The following SELENOI variants were observed in gnomAD, a reference collection of about 807,000 sequenced individuals.
The protein encoded by SELENOI is ethanolaminephosphotransferase 1.
In SELENOI, 24 loss-of-function variants were observed where a neutral mutation model predicts 50.7. The observed-to-expected ratio is 0.47, with a 90% CI of 0.34 to 0.67. The LOEUF is 0.67. Ranked by LOEUF, SELENOI falls within the 30% of genes least tolerant of loss-of-function variation. SELENOI has a pLI of 0.01. For missense variants in SELENOI, 352 were observed against 461.4 expected (o/e 0.76, Z 2.17); for synonymous variants, 155 against 170.2 (o/e 0.91, Z 0.70).
chr2:26,393,010 G>T lies in SELENOI; in HGVS notation c.*3907G>T, dbSNP rs1208966306. Reference sequence around the variant, plus strand: ...AAGTGACAGTTTTAAAAGTAAAATGGTGTTAAATCTCTGAAACTTGAACGT... The same window carrying T: ...AAGTGACAGTTTTAAAAGTAAAATGTTGTTAAATCTCTGAAACTTGAACGT... On this transcript the variant is annotated 3_prime_UTR_variant, in exon 10 of 10. Coordinates refer to ENST00000260585, the MANE Select transcript of SELENOI (RefSeq NM_033505.4). 1 of 152,620 alleles carries T rather than the reference G, an allele frequency of 6.6e-6. No homozygotes were observed. The highest frequency in any genetic ancestry group is 2.4e-5 in the African/African-American group (1 of 41,458). The allele number at this position is 152,620 out of a possible 1,614,324, so 9.5% of individuals were successfully genotyped here.
At chr2:26,354,160 A>T (rs1023410382) in intron 1 of SELENOI, among the ~76,000 whole-genome samples, 2 of 152,112 alleles carry the variant, frequency 1.3e-5, no homozygotes, top group African/African-American at 2.4e-5. Context: ...ATCTCATTTA[A>T]TATTCACAAC....
At chr2:26,366,357 G>C (rs1251639209) in intron 3 of SELENOI, among the ~76,000 whole-genome samples, 1 of 151,810 alleles carries the variant, frequency 6.6e-6, no homozygotes, top group Non-Finnish European at 1.5e-5. Context: ...TAATCCTCAG[G>C]ACACCCTAAA....
At chr2:26,378,306 A>C (rs1677611014) in intron 6 of SELENOI, among the ~76,000 whole-genome samples, 1 of 152,138 alleles carries the variant, frequency 6.6e-6, no homozygotes, top group Non-Finnish European at 1.5e-5. Context: ...TTGGGAACAC[A>C]CTTAGTAAGA....
rs1400095554 is a variant in SELENOI at position 26,347,359 on chromosome 2, T to C, written c.57+1070T>C. 3.3e-5 allele frequency among the ~76,000 whole-genome samples: 5 copies of C among 152,074 alleles called. No homozygotes were observed. In the East Asian group the frequency reaches 9.7e-4, roughly 29 times the overall value. ...TGGCTTAAGCACAGTGCTATGTGCATACTAGGCACCCAGTAAGCATTTGTG... is the reference window on the plus strand; with the variant it reads ...TGGCTTAAGCACAGTGCTATGTGCACACTAGGCACCCAGTAAGCATTTGTG... On this transcript the variant is annotated intron_variant, in intron 1 of 9. Coordinates refer to ENST00000260585, the MANE Select transcript of SELENOI (RefSeq NM_033505.4).
At chr2:26,370,939 C>G (rs1283295887) in intron 4 of SELENOI, among the ~76,000 whole-genome samples, 1 of 100,104 alleles carries the variant, frequency 1.0e-5, no homozygotes, top group Admixed American at 9.9e-5. Flanking sequence ...CTGACCCCCC[C>G]ACCTCCCTCC....
chr2:26,347,937 T>C (rs141919420), intron 1 of SELENOI, among the ~76,000 whole-genome samples: 8 of 152,322 alleles, frequency 5.3e-5, no homozygotes, highest in African/African-American at 1.9e-4. Flanking sequence ...TGACTTCCTA[T>C]CATCCTGGAA....
Position 26,390,512 on chromosome 2 carries a change from T to G in SELENOI, c.*1409T>G, listed in dbSNP as rs1677940592. The G allele has an allele frequency of 6.6e-6, 1 of 152,660 alleles. No homozygotes were observed. The highest frequency in any genetic ancestry group is 1.5e-5 in the Non-Finnish European group (1 of 68,030). 9.5% of individuals were successfully genotyped at this position (152,660 alleles called of 1,614,324 possible). ...TGACCATTGTTAAATTTAATTATAG[T>G]GTATTTCTTTCTTGAATTTCAGTCT... On this transcript the variant is annotated 3_prime_UTR_variant, in exon 10 of 10. Coordinates refer to ENST00000260585, the MANE Select transcript of SELENOI (RefSeq NM_033505.4).
chr2:26,363,263 G>C (rs1208522047), intron 1 of SELENOI, among the ~76,000 whole-genome samples: 1 of 152,126 alleles, frequency 6.6e-6, no homozygotes, highest in Non-Finnish European at 1.5e-5. Flanking sequence ...AATCCCTTGA[G>C]GTAAGGACTA....
chr2:26,365,716 T>C (rs1343628269), intron 3 of SELENOI, among the ~76,000 whole-genome samples: 3 of 152,178 alleles, frequency 2.0e-5, no homozygotes, highest in Non-Finnish European at 4.4e-5. Flanking sequence ...AGCAGACTTT[T>C]CTGGACTGAC....
intron 6 of SELENOI, among the ~76,000 whole-genome samples, chr2:26,376,741 T>C (rs1265315878): frequency 3.3e-5 from 5 of 152,240 alleles, no homozygotes; most frequent in Non-Finnish European, 4.4e-5. Context: ...CTTTAGGTTT[T>C]TTTATAGTGC....
intron 8 of SELENOI, 103 bp downstream of exon 8, chr2:26,385,242 T>TA: frequency 1.5e-6 from 1 of 688,846 alleles, no homozygotes; most frequent in Non-Finnish European, 2.1e-6. Context: ...GATTTTAACT[T>TA]AAAGATTTTT....
At chr2:26,349,510 T>G (rs1676906136) in intron 1 of SELENOI, among the ~76,000 whole-genome samples, 1 of 152,010 alleles carries the variant, frequency 6.6e-6, no homozygotes, top group Non-Finnish European at 1.5e-5. Context: ...TTTCACATGT[T>G]GGCCAGGCTG....
At chr2:26,372,202 T>C (rs1677472106) in intron 4 of SELENOI, among the ~76,000 whole-genome samples, 1 of 152,194 alleles carries the variant, frequency 6.6e-6, no homozygotes, top group Non-Finnish European at 1.5e-5. Context: ...AACCTCCGCC[T>C]CCTGGGTTCA....
In SELENOI at chr2:26,393,496, C is replaced by G. The variant is rs28581437; in HGVS notation, c.*4393C>G. 6.6e-6 allele frequency: 1 copy of G among 152,172 alleles called. No individual in the cohort carries two copies. The highest frequency in any genetic ancestry group is 1.5e-5 in the Non-Finnish European group (1 of 68,030). The allele number at this position is 152,172 out of a possible 1,614,324, so 9.4% of individuals were successfully genotyped here. A position where few individuals can be genotyped will look rare whatever the true frequency, so the allele number is the denominator to read the frequency against. ...GTAGCTCTCTCACAGGTAGCTTAAG[C>G]GAGGGGGTTGTGTTGCATGTGCTTA... On this transcript the variant is annotated 3_prime_UTR_variant, in exon 10 of 10. Transcript: ENST00000260585.
At position 26,383,873 on chromosome 2, in the gene SELENOI, C is replaced by CA. The variant is rs971432334; in HGVS notation, c.731+538dup. The stretch of plus-strand genomic sequence containing the variant: ...TTGGCAACAGAGCGAGACTCTGTCT[C>CA]AAAAAAAAAAAATTTTAGCAAGATC... On this transcript the variant is annotated intron_variant, in intron 7 of 9. Transcript: ENST00000260585. Among the ~76,000 whole-genome samples the CA allele has an allele frequency of 1.1e-3, 157 of 144,938 alleles. No homozygotes were observed. In the East Asian group the frequency reaches 0.016, roughly 15 times the overall value.
At chr2:26,362,590 G>A (rs186839232) in intron 1 of SELENOI, among the ~76,000 whole-genome samples, 54 of 151,682 alleles carry the variant, frequency 3.6e-4, no homozygotes, top group African/African-American at 1.1e-3. Context: ...GTGAAACCCC[G>A]TCTCTACTAA....
chr2:26,386,173 T>A (rs1413956174), intron 8 of SELENOI, among the ~76,000 whole-genome samples, 181 bp from the exon 9 acceptor site: 1 of 152,214 alleles, frequency 6.6e-6, no homozygotes, highest in Non-Finnish European at 1.5e-5. Context: ...CATGGGTTTT[T>A]GGGCAGGGCC....
At chr2:26,373,036 G>A (rs186092292) in intron 4 of SELENOI, among the ~76,000 whole-genome samples, 14 of 152,096 alleles carry the variant, frequency 9.2e-5, no homozygotes, top group Admixed American at 4.6e-4. Flanking sequence ...CTACAGGTGC[G>A]CACCACCATG....
At chr2:26,352,505 C>T (rs929799506) in intron 1 of SELENOI, among the ~76,000 whole-genome samples, 27 of 152,174 alleles carry the variant, frequency 1.8e-4, no homozygotes, top group African/African-American at 6.3e-4. Context: ...GTATCTCTAG[C>T]CGGGTGCGGT....
Sources: gnomAD v4.1 joint callset for allele counts (sites outside exome capture counted in the v4.1 genomes callset) on GRCh38, gnomAD v4.1.1 for gene constraint, MANE v1.5 for transcripts, NCBI Gene and HGNC (gene_info 2026-07-23, HGNC 2026-07-21) for gene names.